The following GABRD variants were observed in gnomAD, a reference collection of about 807,000 sequenced individuals.
GABRD encodes gamma-aminobutyric acid receptor subunit delta.
A neutral mutation model predicts 47.3 loss-of-function variants in GABRD; 25 were observed. The ratio of observed to expected loss-of-function variants is 0.53; its 90% CI spans 0.39 to 0.74. The LOEUF (loss-of-function observed/expected upper bound fraction) is 0.74, where lower values mean the gene tolerates loss of function less well. Among genes scored for constraint, GABRD ranks in the 30% least tolerant of loss-of-function variants. The pLI is 0.00. For synonymous variants in GABRD, 314 were observed against 278.8 expected (o/e 1.13, Z -1.26); for missense variants, 497 against 643.4 (o/e 0.77, Z 2.46).
chr1:2,025,765 G>A (rs368857204), intron 4 of GABRD, 27 bp downstream of exon 4: 33 of 1,594,734 alleles, frequency 2.1e-5, no homozygotes, highest in South Asian at 1.8e-4. Flanking sequence ...CCCGGACTCC[G>A]GGGGAGAGCC....
At chr1:2,024,911 G>A in intron 1 of GABRD, 31 bp from the exon 2 acceptor site, 1 of 1,501,958 alleles carries the variant, frequency 6.7e-7, no homozygotes, top group Non-Finnish European at 9.3e-7. Flanking sequence ...TTAAGTCCTG[G>A]CCTGTCTGAC....
At chr1:2,019,679 C>T (rs1342961967) in intron 1 of GABRD, among the ~76,000 whole-genome samples, 188 bp downstream of exon 1, 4 of 151,656 alleles carry the variant, frequency 2.6e-5, no homozygotes, top group Admixed American at 2.0e-4. Flanking sequence ...GGACGCTGCC[C>T]TTGGGCTCGG....
intron 1 of GABRD, 30 bp from the exon 2 acceptor site, chr1:2,024,912 C>A (rs112802341): frequency 8.0e-6 from 12 of 1,500,946 alleles, no homozygotes; most frequent in Middle Eastern, 1.7e-4. Flanking sequence ...TAAGTCCTGG[C>A]CTGTCTGACC....
chr1:2,025,843 G>C lies in GABRD; in HGVS notation c.470+105G>C, dbSNP rs555875907. The C allele has an allele frequency of 4.0e-6, 4 of 992,208 alleles. No homozygotes were observed. The South Asian group carries it at 4.8e-5, about 12-fold the overall frequency. 61.5% of individuals were successfully genotyped at this position (992,208 alleles called of 1,614,324 possible). ...AAAAGCTCGAGCGGCTTCTGCTGCC[G>C]GGAGCTGGCGGGCGGGCGGAGGGGG... On this transcript the variant is annotated intron_variant, in intron 4 of 8. Transcript: ENST00000378585.
rs1238893770 is a variant in GABRD, at chr1:2,030,538, G to A, written c.*256G>A. 1.8e-5 allele frequency: 7 copies of A among 382,340 alleles called. No homozygotes were observed. The highest frequency in any genetic ancestry group is 2.3e-5 in the Non-Finnish European group (5 of 214,878). The allele number at this position is 382,340 out of a possible 1,614,324, so 23.7% of individuals were successfully genotyped here. ...GAAGGAGCAGAGGTTCTGACCGAGA[G>A]GCTGAGCCAGGCCGGGGTCTGGGCC... On this transcript the variant is annotated 3_prime_UTR_variant, in exon 9 of 9. Transcript: ENST00000378585.
intron 4 of GABRD, 25 bp downstream of exon 4, chr1:2,025,763 CCG>C: frequency 6.3e-7 from 1 of 1,599,256 alleles, no homozygotes; most frequent in South Asian, 1.1e-5. Context: ...CACCCGGACT[CCG>C]GGGGAGAGCC....
In GABRD at chr1:2,030,434, C is replaced by T. The variant is rs1659059242; in HGVS notation, c.*152C>T. 1 of 666,690 alleles carries T rather than the reference C, an allele frequency of 1.5e-6. No homozygotes were observed. The allele number at this position is 666,690 out of a possible 1,614,324, so 41.3% of individuals were successfully genotyped here. ...ACGGAAAACAAGAGGAAGCCTCGGC[C>T]TCCCTGAGCTCTGACCCCAGCCTCA... On this transcript the variant is annotated 3_prime_UTR_variant, in exon 9 of 9. Transcript: ENST00000378585.
Position 2,028,438 on chromosome 1 carries a change from AGGGCCTCT to A in GABRD, c.691+150_691+157del. ...TTTAGTCAAGCGCCCGCAGGCCCCC[AGGGCCTCT>A]GGGGATGCAGCTGGGACGCTGCTGC... is the stretch of plus-strand genomic sequence containing the variant. On this transcript the variant is annotated intron_variant, in intron 6 of 8. Transcript: ENST00000378585. This position sits in a 1 kb window ranked among gnomAD's most constrained non-coding sequence, Gnocchi z 6.4. The A allele has an allele frequency of 1.1e-6, 1 of 910,550 alleles. No homozygotes were observed. Among genetic ancestry groups the A allele is most frequent in the Non-Finnish European group, 1.5e-6 (1 of 675,256 alleles). 56.4% of individuals were successfully genotyped at this position (910,550 alleles called of 1,614,324 possible).
In GABRD at chr1:2,027,884, G is replaced by C. The variant is rs554960453; in HGVS notation, c.553+225G>C. 24 of 621,802 alleles carry C rather than the reference G, an allele frequency of 3.9e-5. No homozygotes were observed. The South Asian group carries it at 4.6e-4, about 12-fold the overall frequency. 38.5% of individuals were successfully genotyped at this position (621,802 alleles called of 1,614,324 possible). On this transcript the variant is annotated intron_variant, in intron 5 of 8. Coordinates refer to ENST00000378585, the MANE Select transcript of GABRD (RefSeq NM_000815.5). Reference sequence around the variant, plus strand: ...CTGGGGAGCCGGGCCATGGAGCCCAGACATGGCACGGATTGATATTGTTGA... The same window carrying C: ...CTGGGGAGCCGGGCCATGGAGCCCACACATGGCACGGATTGATATTGTTGA...
At chr1:2,027,864 G>T in intron 5 of GABRD, 4 of 630,910 alleles carry the variant, frequency 6.3e-6, no homozygotes, top group Admixed American at 2.7e-5. Context: ...CCTGCCTGGG[G>T]AGCCGGGCCA....
At chr1:2,022,137 G>A (rs28595482) in intron 1 of GABRD, among the ~76,000 whole-genome samples, 53,901 of 152,028 alleles carry the variant, frequency 0.35, 10,048 homozygotes, top group Non-Finnish European at 0.41. Context: ...TGGGCCCCAG[G>A]GCCACCAGGT....
At position 2,024,919 on chromosome 1, in the gene GABRD, G is replaced by C. The variant is rs761340378; in HGVS notation, c.69-23G>C. 3.2e-6 allele frequency: 5 copies of C among 1,552,410 alleles called. No individual in the cohort carries two copies. The South Asian group carries it at 5.6e-5, about 17-fold the overall frequency. Reference sequence around the variant, plus strand: ...AATTAAATTAAGTCCTGGCCTGTCTGACCGGTGGCTTTGCATCCCCAGAGC... The same window carrying C: ...AATTAAATTAAGTCCTGGCCTGTCTCACCGGTGGCTTTGCATCCCCAGAGC... On this transcript the variant is annotated intron_variant, in intron 1 of 8. Coordinates refer to ENST00000378585, the MANE Select transcript of GABRD (RefSeq NM_000815.5).
intron 4 of GABRD, chr1:2,027,111 C>G (rs1237434979): frequency 3.7e-6 from 1 of 271,970 alleles, no homozygotes; most frequent in African/African-American, 2.3e-5. Flanking sequence ...TGTAGTGAGT[C>G]AAGATTGCAC....
Position 2,028,432 on chromosome 1 carries a change from G to T in GABRD, c.691+140G>T. 1 of 940,948 alleles carries T rather than the reference G, an allele frequency of 1.1e-6. No individual in the cohort carries two copies. The allele number at this position is 940,948 out of a possible 1,614,324, so 58.3% of individuals were successfully genotyped here. On this transcript the variant is annotated intron_variant, in intron 6 of 8. Coordinates refer to ENST00000378585, the MANE Select transcript of GABRD (RefSeq NM_000815.5). The surrounding 1 kb of genome is among the most constrained non-coding windows in gnomAD (Gnocchi z 6.4). ...ATGCTTTTTAGTCAAGCGCCCGCAG[G>T]CCCCCAGGGCCTCTGGGGATGCAGC...
At chr1:2,024,700 C>T in intron 1 of GABRD, 1 of 374,914 alleles carries the variant, frequency 2.7e-6, no homozygotes, top group East Asian at 4.6e-5. Flanking sequence ...TAAGTGGGCA[C>T]TGAGGCCGGA....
chr1:2,030,146 G>T lies in GABRD; in HGVS notation c.1223G>T (p.Arg408Leu), dbSNP rs901937998. ...TGETKKEGAA[R>L]SGGQGGIRAR... ...GAGACGAAGAAGGAGGGGGCAGCCCGCTCAGGAGGCCAGGGGGGCATCCGT... is the reference window on the plus strand; with the variant it reads ...GAGACGAAGAAGGAGGGGGCAGCCCTCTCAGGAGGCCAGGGGGGCATCCGT... The change falls in exon 9 of 9, where the codon CGC becomes CTC. Residue 408 changes from arginine (R) to leucine (L), a missense_variant. Arg to Leu is a moderately radical substitution (Grantham distance 102). This residue lies in a region of GABRD where 121 missense variants were observed against 121.3 expected (regional missense o/e 1.00). Transcript: ENST00000378585. 2 of 1,576,934 alleles carry T rather than the reference G, an allele frequency of 1.3e-6. No individual in the cohort carries two copies. Among genetic ancestry groups the T allele is most frequent in the Non-Finnish European group, 1.7e-6 (2 of 1,160,426 alleles).
chr1:2,029,718 A>G lies in GABRD; in HGVS notation c.1015A>G (p.Lys339Glu), dbSNP rs746076615. Residue 339 changes from lysine to glutamate, a missense_variant, in exon 8 of 9, where the codon AAG becomes GAG. Lys to Glu is a moderately conservative substitution (Grantham distance 56). This residue lies in a region of GABRD where 285 missense variants were observed against 436.6 expected (regional missense o/e 0.65). Coordinates refer to ENST00000378585, the MANE Select transcript of GABRD (RefSeq NM_000815.5). ...AFAHFNADYRKKQKAKVKVSR... is the reference protein window; with the variant it reads ...AFAHFNADYREKQKAKVKVSR... ...TGCTCATTTCAACGCCGACTACAGG[A>G]AGAAGCAGAAGGCCAAGGTCAAGGT... is the stretch of plus-strand genomic sequence containing the variant. The G allele has an allele frequency of 6.2e-7, 1 of 1,613,396 alleles. No individual in the cohort carries two copies. Among genetic ancestry groups the G allele is most frequent in the Non-Finnish European group, 8.5e-7 (1 of 1,180,012 alleles).
rs1359928378 is a variant in GABRD, at chr1:2,030,012, C to T, written c.1089C>T (p.Phe363=). The change falls in exon 9 of 9, where the codon TTC becomes TTT. Residue 363 remains phenylalanine (F), a synonymous_variant. Coordinates refer to ENST00000378585, the MANE Select transcript of GABRD (RefSeq NM_000815.5). ...ACGTGAGGAACGCCATTGTCCTCTT[C>T]TCCCTCTCTGCTGCCGGCGTCACGC... is the stretch of plus-strand genomic sequence containing the variant. ...EMDVRNAIVL[F]SLSAAGVTQE... 6 of 1,612,638 alleles carry T rather than the reference C, an allele frequency of 3.7e-6. No homozygotes were observed. Among genetic ancestry groups the T allele is most frequent in the Non-Finnish European group, 5.1e-6 (6 of 1,179,916 alleles).
In GABRD at chr1:2,029,244, G is replaced by A. The variant is rs774577117; in HGVS notation, c.825G>A (p.Ala275=). ...SWVSFWISQA[A]VPARVSLGIT... is the part of the protein sequence containing the mutation. ...TCTCCTTCTGGATCAGCCAGGCGGC[G>A]GTGCCCGCCAGGGTGTCTCTAGGTA... The change falls in exon 7 of 9, where the codon GCG becomes GCA. Residue 275 remains alanine, a synonymous_variant. Transcript: ENST00000378585. The A allele has an allele frequency of 1.2e-5, 19 of 1,566,094 alleles. No individual in the cohort carries two copies. Among genetic ancestry groups the A allele is most frequent in the Admixed American group, 7.6e-5 (4 of 52,670 alleles).
Sources: gnomAD v4.1 joint callset for allele counts (sites outside exome capture counted in the v4.1 genomes callset) on GRCh38, gnomAD v4.1.1 for gene constraint, gnomAD v4.1.1 regional missense constraint, Gnocchi (gnomAD v3.1) non-coding constraint, MANE v1.5 for transcripts, NCBI Gene and HGNC (gene_info 2026-07-23, HGNC 2026-07-21) for gene names.